CTNNA2: variants seen among roughly 807,000 people sequenced by gnomAD.
CTNNA2 encodes catenin alpha 2, also known as catenin alpha-2.
Under a neutral mutation model 101.0 loss-of-function variants are expected in CTNNA2, and 42 were observed. The observed-to-expected ratio is 0.42, with a 90% confidence interval of 0.32 to 0.54. The LOEUF (loss-of-function observed/expected upper bound fraction) is 0.54, where lower values mean the gene tolerates loss of function less well. Among genes scored for constraint, CTNNA2 ranks in the 20% least tolerant of loss-of-function variants. The pLI is 0.14. For synonymous variants in CTNNA2, 450 were observed against 456.4 expected, an observed-to-expected ratio of 0.99 and a Z score of 0.18; for missense variants, 871 against 1,223.1, an observed-to-expected ratio of 0.71 and a Z score of 4.29.
intron 7 of CTNNA2, among the ~76,000 whole-genome samples, chr2:80,282,634 G>T (rs1674469726): frequency 6.6e-6 from 1 of 152,090 alleles, no homozygotes; most frequent in Admixed American, 6.5e-5. Flanking sequence ...TAATCTCATA[G>T]TAAATATGTA....
chr2:80,557,014 C>G (rs1693099485), intron 12 of CTNNA2, among the ~76,000 whole-genome samples: 2 of 152,102 alleles, frequency 1.3e-5, no homozygotes, highest in African/African-American at 4.8e-5. Flanking sequence ...AGATTATTTA[C>G]AAAGAGTTCT....
At chr2:80,375,226 G>T (rs111760977) in intron 7 of CTNNA2, among the ~76,000 whole-genome samples, 113 of 152,296 alleles carry the variant, frequency 7.4e-4, no homozygotes, top group African/African-American at 2.7e-3. Flanking sequence ...GAGAAGAGAG[G>T]GTTGGGATAG....
chr2:79,895,377 C>T (rs989772850), intron 6 of CTNNA2, among the ~76,000 whole-genome samples: 1 of 152,098 alleles, frequency 6.6e-6, no homozygotes, highest in Non-Finnish European at 1.5e-5. Flanking sequence ...ATTTCCTTTT[C>T]ATATTTGCAG....
intron 3 of CTNNA2, among the ~76,000 whole-genome samples, chr2:79,775,563 C>T (rs1460870310): frequency 6.6e-6 from 1 of 152,080 alleles, no homozygotes; most frequent in Non-Finnish European, 1.5e-5. Context: ...ACCTATCAAC[C>T]AATCACCAAG....
chr2:79,716,615 A>T (rs1438072397), intron 2 of CTNNA2, among the ~76,000 whole-genome samples: 1 of 152,156 alleles, frequency 6.6e-6, no homozygotes, highest in Non-Finnish European at 1.5e-5. Flanking sequence ...TTAAGGCTGA[A>T]GGGATATGGC....
intron 4 of CTNNA2, among the ~76,000 whole-genome samples, chr2:79,865,805 C>T (rs1191612260): frequency 1.3e-5 from 2 of 152,186 alleles, no homozygotes; most frequent in Admixed American, 6.5e-5. Context: ...CTGCAAGCTC[C>T]GCCTCCCGGG....
At chr2:80,011,100 A>G (rs955634242) in intron 7 of CTNNA2, among the ~76,000 whole-genome samples, 33 of 152,188 alleles carry the variant, frequency 2.2e-4, no homozygotes, top group African/African-American at 7.7e-4. Context: ...CACACCTCTT[A>G]CAGACTCATT....
chr2:79,596,712 A>T (rs1244080479), intron 1 of CTNNA2, among the ~76,000 whole-genome samples: 1 of 152,060 alleles, frequency 6.6e-6, no homozygotes, highest in South Asian at 2.1e-4. Flanking sequence ...AAAGCCACAC[A>T]TTTTTCCATT....
intron 7 of CTNNA2, among the ~76,000 whole-genome samples, chr2:80,010,637 A>G (rs1025488529): frequency 2.6e-5 from 4 of 152,096 alleles, no homozygotes; most frequent in Admixed American, 2.0e-4. Flanking sequence ...AATAATTCCT[A>G]AAGATTTTGA....
intron 2 of CTNNA2, among the ~76,000 whole-genome samples, chr2:79,729,181 G>C (rs1459481935): frequency 6.6e-6 from 1 of 152,062 alleles, no homozygotes; most frequent in African/African-American, 2.4e-5. Flanking sequence ...ATAAGTGGCT[G>C]GTCTGGGGCT....
Position 79,869,847 on chromosome 2 carries a change from C to T in CTNNA2, c.497C>T (p.Ala166Val). Reference sequence around the variant, plus strand: ...GAGGCCCTGGAAGCTGTCAAAAATGCTACAAATGAGCAAGACCTTGCAAAC... The same window carrying T: ...GAGGCCCTGGAAGCTGTCAAAAATGTTACAAATGAGCAAGACCTTGCAAAC... The part of the protein sequence containing the change: ...VEEALEAVKN[A>V]TNEQDLANRF... The change falls in exon 5 of 19, where the codon GCT (alanine) becomes GTT (valine). Residue 166 changes from alanine to valine, a missense_variant. By Grantham distance (64) the Ala-to-Val change is moderately conservative (BLOSUM62 0). Around this residue, in one of 5 missense-constraint regions of CTNNA2, gnomAD observed 647 missense variants for 831.5 expected, o/e 0.78. Transcript: ENST00000402739. 1 of 1,614,026 alleles carries T rather than the reference C, an allele frequency of 6.2e-7. No individual in the cohort carries two copies. Among genetic ancestry groups the T allele is most frequent in the Non-Finnish European group, 8.5e-7 (1 of 1,179,998 alleles).
chr2:80,103,880 G>A (rs1423723134), intron 7 of CTNNA2, among the ~76,000 whole-genome samples: 9 of 152,090 alleles, frequency 5.9e-5, no homozygotes, highest in African/African-American at 1.7e-4. Flanking sequence ...GATTACAGGC[G>A]CCTGCCACCA....
chr2:80,340,626 A>G (rs533320617), intron 7 of CTNNA2, among the ~76,000 whole-genome samples: 88 of 152,318 alleles, frequency 5.8e-4, no homozygotes, highest in African/African-American at 2.0e-3. Flanking sequence ...TTTCCAGACC[A>G]CAGACTTAGA....
In CTNNA2 at chr2:79,858,050, T is replaced by A; in HGVS notation, c.336T>A (p.Asp112Glu). The A allele has an allele frequency of 6.2e-7, 1 of 1,613,944 alleles. No individual in the cohort carries two copies. Among genetic ancestry groups the A allele is most frequent in the Middle Eastern group, 1.7e-4 (1 of 6,056 alleles). The change falls in exon 4 of 19, where the codon GAT becomes GAA. Residue 112 changes from aspartate to glutamate, a missense_variant. Physicochemically the swap from Asp to Glu is conservative, Grantham distance 45. This residue lies in a region of CTNNA2 where 647 missense variants were observed against 831.5 expected (regional missense o/e 0.78). Transcript: ENST00000402739. ...GGATCGCCTCCTCCGAGTTTGCAGA[T>A]GACCCTTGCTCGTCGGTAAAGCGCG... ...TMRIASSEFA[D>E]DPCSSVKRGT...
At chr2:79,400,989 C>T (rs1678284192) in intron 4 of CTNNA2, among the ~76,000 whole-genome samples, 1 of 151,912 alleles carries the variant, frequency 6.6e-6, no homozygotes, top group African/African-American at 2.4e-5. Context: ...TCAACTAAGA[C>T]TTCTGTGTCT....
intron 1 of CTNNA2, among the ~76,000 whole-genome samples, chr2:79,641,694 C>T (rs1680459373): frequency 6.6e-6 from 1 of 152,114 alleles, no homozygotes; most frequent in African/African-American, 2.4e-5. Flanking sequence ...GAAAACAACC[C>T]ATAATTTAGG....
At chr2:80,596,756 T>C (rs1356878150) in intron 15 of CTNNA2, among the ~76,000 whole-genome samples, 2 of 151,366 alleles carry the variant, frequency 1.3e-5, no homozygotes, top group Non-Finnish European at 2.9e-5. Context: ...TGAATAGGAG[T>C]GATGAGAAAG....
intron 8 of CTNNA2, among the ~76,000 whole-genome samples, chr2:80,394,295 A>G (rs1573934611): frequency 6.6e-6 from 1 of 152,320 alleles, no homozygotes; most frequent in East Asian, 1.9e-4. Flanking sequence ...AATGAGAGGA[A>G]CCCACCACTT....
At chr2:80,345,870 C>T (rs1672688436) in intron 7 of CTNNA2, among the ~76,000 whole-genome samples, 1 of 152,102 alleles carries the variant, frequency 6.6e-6, no homozygotes, top group Admixed American at 6.6e-5. Context: ...TTTAATCATA[C>T]GTGGCCTAGA....
Sources: allele counts gnomAD v4.1 joint callset (sites outside exome capture counted in the v4.1 genomes callset), GRCh38; gene constraint gnomAD v4.1.1; regional missense constraint gnomAD v4.1.1; transcripts MANE v1.5; gene names NCBI Gene and HGNC (gene_info 2026-07-23, HGNC 2026-07-21).